The following COL4A2 variants were observed in gnomAD, a reference collection of about 807,000 sequenced individuals.
The protein encoded by COL4A2 is collagen type IV alpha 2 chain, also known as collagen alpha-2(IV) chain.
A neutral mutation model predicts 200.2 loss-of-function variants in COL4A2; 99 were observed. The observed-to-expected ratio is 0.49, with a 90% CI of 0.42 to 0.58. COL4A2 has a LOEUF of 0.58. Among genes scored for constraint, COL4A2 ranks in the 20% least tolerant of loss-of-function variants. The pLI is 0.00. For missense variants in COL4A2, 1,950 were observed against 2,314.1 expected (o/e 0.84, Z 3.23); for synonymous variants, 897 against 900.6 (o/e 1.00, Z 0.07).
At chr13:110,423,260 C>A (rs78656097) in intron 4 of COL4A2, among the ~76,000 whole-genome samples, 3 of 152,124 alleles carry the variant, frequency 2.0e-5, no homozygotes, top group South Asian at 2.1e-4. Flanking sequence ...CTTCCCCTCC[C>A]CTCCTTTCTC....
rs1884149657 is a variant in COL4A2, at chr13:110,513,117, G to A, written c.*926G>A. On this transcript the variant is annotated 3_prime_UTR_variant, in exon 48 of 48. Transcript: ENST00000360467. ...AGGCACAGCGTCCGCCCACGCTGCT[G>A]TTTTTAATCCATCTCAGTAGAGTTG... is the stretch of plus-strand genomic sequence containing the variant. 6.6e-6 allele frequency: 1 copy of A among 152,156 alleles called. No individual in the cohort carries two copies. Among genetic ancestry groups the A allele is most frequent in the Admixed American group, 6.5e-5 (1 of 15,272 alleles). 9.4% of individuals were successfully genotyped at this position (152,156 alleles called of 1,614,324 possible).
In COL4A2 at chr13:110,469,294, G is replaced by T. The variant is rs769608611; in HGVS notation, c.2173G>T (p.Ala725Ser). The T allele has an allele frequency of 6.3e-7, 1 of 1,597,836 alleles. No homozygotes were observed. The highest frequency in any genetic ancestry group is 1.1e-5 in the South Asian group (1 of 87,828). Residue 725 changes from alanine to serine, a missense_variant, in exon 28 of 48, where the codon GCA becomes TCA. Transcript: ENST00000360467. The part of the protein sequence containing the change: ...GPGPRGLPGD[A>S]GREGFPGPPG... ...AGGGCCCAGGGGCTTGCCAGGAGAC[G>T]CAGGTCGTGAAGGGTTCCCAGGACC...
At chr13:110,315,084 G>C (rs1197460883) in intron 3 of COL4A2, among the ~76,000 whole-genome samples, 2 of 152,236 alleles carry the variant, frequency 1.3e-5, no homozygotes, top group African/African-American at 4.8e-5. Flanking sequence ...TGAGAAGCAT[G>C]AGCAGAGCCG....
intron 4 of COL4A2, among the ~76,000 whole-genome samples, chr13:110,393,551 A>G (rs1476093809): frequency 1.3e-5 from 2 of 151,928 alleles, no homozygotes; most frequent in African/African-American, 4.8e-5. Context: ...CTGAAATTCT[A>G]GGCCATTTTA....
chr13:110,451,349 C>T (rs1881532310), intron 20 of COL4A2, among the ~76,000 whole-genome samples: 2 of 152,190 alleles, frequency 1.3e-5, no homozygotes, highest in African/African-American at 4.8e-5. Context: ...TTTTTAAAAA[C>T]ATTTTTACAA....
intron 3 of COL4A2, among the ~76,000 whole-genome samples, chr13:110,351,948 G>T: frequency 6.6e-6 from 1 of 152,206 alleles, no homozygotes; most frequent in Admixed American, 6.5e-5. Flanking sequence ...ATGTTCAACT[G>T]TGGGTACTGA....
In COL4A2 at chr13:110,466,057, A is replaced by T; in HGVS notation, c.2033A>T (p.Gln678Leu). ...AVGGDRQEAI[Q>L]PGCIGGPKGL... ...GGAGGTGACAGACAGGAGGCCATCC[A>T]GCCAGGTACTCTGGGAAGTGCAGGT... The change falls in exon 26 of 48, where the codon CAG (glutamine) becomes CTG (leucine). Residue 678 changes from glutamine to leucine, a missense_variant. Transcript: ENST00000360467. 6.2e-7 allele frequency: 1 copy of T among 1,613,728 alleles called. No individual in the cohort carries two copies. Among genetic ancestry groups the T allele is most frequent in the East Asian group, 2.2e-5 (1 of 44,874 alleles).
At chr13:110,482,689 C>A (rs1223279808) in intron 32 of COL4A2, 30 bp downstream of exon 32, 2 of 1,605,018 alleles carry the variant, frequency 1.2e-6, no homozygotes, top group East Asian at 4.5e-5. Context: ...TCCTCCTTAC[C>A]TGGTCATGGT....
At chr13:110,412,837 G>A (rs1231036733) in intron 4 of COL4A2, among the ~76,000 whole-genome samples, 1 of 152,216 alleles carries the variant, frequency 6.6e-6, no homozygotes, top group Non-Finnish European at 1.5e-5. Flanking sequence ...ATCAGATGCT[G>A]AGCGCGGGCC....
chr13:110,379,509 G>A (rs1477237587), intron 4 of COL4A2, among the ~76,000 whole-genome samples: 1 of 152,294 alleles, frequency 6.6e-6, no homozygotes, highest in Middle Eastern at 3.4e-3. Context: ...GGAGCCAGGG[G>A]CGCCGGGCAG....
At chr13:110,457,712 G>T in intron 21 of COL4A2, 1 of 601,894 alleles carries the variant, frequency 1.7e-6, no homozygotes, top group Non-Finnish European at 3.2e-6. Context: ...CTGATGCTGA[G>T]TCCTGTGCTG....
intron 29 of COL4A2, among the ~76,000 whole-genome samples, chr13:110,476,158 G>A (rs1486955442): frequency 1.3e-5 from 2 of 152,094 alleles, no homozygotes; most frequent in Non-Finnish European, 2.9e-5. Context: ...ATGTCACCTG[G>A]TGTCTGTCAG....
At chr13:110,320,200 C>A (rs907400987) in intron 3 of COL4A2, among the ~76,000 whole-genome samples, 1 of 152,242 alleles carries the variant, frequency 6.6e-6, no homozygotes, top group African/African-American at 2.4e-5. Flanking sequence ...CAGTCCTAAC[C>A]CATTACATAA....
intron 40 of COL4A2, among the ~76,000 whole-genome samples, chr13:110,496,328 A>G (rs1247009830): frequency 6.6e-6 from 1 of 152,178 alleles, no homozygotes; most frequent in African/African-American, 2.4e-5. Flanking sequence ...TGCAGATCAC[A>G]TCTCACTCTC....
At chr13:110,472,658 C>T (rs1460024835) in intron 28 of COL4A2, among the ~76,000 whole-genome samples, 1 of 152,056 alleles carries the variant, frequency 6.6e-6, no homozygotes, top group Non-Finnish European at 1.5e-5. Context: ...AAATCGAGGT[C>T]CAAGGAGGCG....
At chr13:110,442,292 A>G (rs145806631) in intron 16 of COL4A2, among the ~76,000 whole-genome samples, 113 of 152,314 alleles carry the variant, frequency 7.4e-4, no homozygotes, top group African/African-American at 2.6e-3. Context: ...GAAGATGCAG[A>G]TATTTCCAGT....
In COL4A2 at chr13:110,508,853, G is replaced by T. The variant is rs1015721118; in HGVS notation, c.4881+632G>T. On this transcript the variant is annotated intron_variant, in intron 47 of 47. Transcript: ENST00000360467. This position sits in a 1 kb window ranked among gnomAD's most constrained non-coding sequence, Gnocchi z 6.1. ...ATTAGGTTTAGCTTAACCTCCAGGG[G>T]AGAGACCACAGCACCATAGTGTCTC... Among the ~76,000 whole-genome samples, 1 of 152,106 alleles carries T rather than the reference G, an allele frequency of 6.6e-6. No individual in the cohort carries two copies. Among genetic ancestry groups the T allele is most frequent in the Admixed American group, 6.5e-5 (1 of 15,272 alleles).
intron 4 of COL4A2, among the ~76,000 whole-genome samples, chr13:110,382,778 C>G (rs1255820710): frequency 6.6e-6 from 1 of 152,138 alleles, no homozygotes; most frequent in Non-Finnish European, 1.5e-5. Flanking sequence ...ACTTATTTCC[C>G]AAACCACATT....
intron 22 of COL4A2, 172 bp from the exon 23 acceptor site, chr13:110,461,942 A>G: frequency 1.1e-6 from 1 of 913,632 alleles, no homozygotes; most frequent in Non-Finnish European, 1.6e-6. Flanking sequence ...CCCACACTGG[A>G]CAGCTGGATG....
Sources: allele counts gnomAD v4.1 joint callset (sites outside exome capture counted in the v4.1 genomes callset), GRCh38; gene constraint gnomAD v4.1.1; non-coding constraint Gnocchi (gnomAD v3.1); transcripts MANE v1.5; gene names NCBI Gene and HGNC (gene_info 2026-07-23, HGNC 2026-07-21).